IL1RAPL2: variants seen among roughly 807,000 people sequenced by gnomAD.
IL1RAPL2 encodes interleukin 1 receptor accessory protein like 2.
A neutral mutation model predicts 44.1 loss-of-function variants in IL1RAPL2; 3 were observed. That is an observed-to-expected ratio of 0.07 (90% CI 0.03 to 0.18). The LOEUF (loss-of-function observed/expected upper bound fraction) is 0.18, where lower values mean the gene tolerates loss of function less well. IL1RAPL2 is among the 10% of genes least tolerant of loss of function. The probability of loss-of-function intolerance (pLI) is 1.00; values close to 1 mark genes in which losing one functional copy is unlikely to be tolerated. For missense variants in IL1RAPL2, 391 were observed against 496.4 expected, an observed-to-expected ratio of 0.79 and a Z score of 2.02; for synonymous variants, 181 against 178.8, an observed-to-expected ratio of 1.01 and a Z score of -0.10.
chrX:105,385,840 CTT>C (rs907567260), intron 5 of IL1RAPL2, among the ~76,000 whole-genome samples: 1 of 111,350 alleles, frequency 9.0e-6, no homozygotes, highest in African/African-American at 3.3e-5. Flanking sequence ...CCTTCAGACT[CTT>C]TGTCCAGAGT....
chrX:105,628,042 G>A (rs1702802952), intron 6 of IL1RAPL2, among the ~76,000 whole-genome samples: 1 of 111,697 alleles, frequency 9.0e-6, no homozygotes, highest in African/African-American at 3.2e-5. Flanking sequence ...GGTGGGATGA[G>A]GTGGGGATGG....
In IL1RAPL2 at chrX:105,194,525, A is replaced by G. The variant is rs1313098689; in HGVS notation, c.83-950A>G. Among the ~76,000 whole-genome samples, 4 of 111,982 alleles carry G rather than the reference A, an allele frequency of 3.6e-5. No individual in the cohort carries two copies. In the East Asian group the frequency reaches 1.1e-3, roughly 31 times the overall value. ...ATTTCATTTTTAACCGTTCTGGAAA[A>G]TAAGGAATTTACTGTACATGTCTTT... On this transcript the variant is annotated intron_variant, in intron 2 of 10. Transcript: ENST00000372582.
intron 2 of IL1RAPL2, among the ~76,000 whole-genome samples, chrX:104,814,862 C>T (rs912738800): frequency 4.5e-5 from 5 of 111,952 alleles, no homozygotes; most frequent in African/African-American, 1.3e-4. Flanking sequence ...CCCTCTGAAG[C>T]AGCCCAGGAG....
intron 2 of IL1RAPL2, among the ~76,000 whole-genome samples, chrX:104,896,470 G>T (rs1165371068): frequency 9.0e-6 from 1 of 111,618 alleles, no homozygotes; most frequent in Admixed American, 9.5e-5. Flanking sequence ...ACAGCAGTTG[G>T]GGTGTCCTGT....
intron 6 of IL1RAPL2, among the ~76,000 whole-genome samples, chrX:105,507,000 A>G (rs754585332): frequency 3.0e-4 from 33 of 111,625 alleles, no homozygotes; most frequent in Non-Finnish European, 5.8e-4. Flanking sequence ...TTCTTTCAAC[A>G]TTTTCAAGCT....
At chrX:104,806,160 G>A (rs763816851) in intron 2 of IL1RAPL2, among the ~76,000 whole-genome samples, 1 of 111,581 alleles carries the variant, frequency 9.0e-6, no homozygotes, top group African/African-American at 3.3e-5. Flanking sequence ...AGTACACCTG[G>A]GCCTTGTAAA....
intron 9 of IL1RAPL2, chrX:105,753,061 G>A: frequency 3.1e-6 from 1 of 327,651 alleles, no homozygotes; most frequent in Non-Finnish European, 5.9e-6. Context: ...CTTAGAAAAT[G>A]TAAGTATAGA....
intron 2 of IL1RAPL2, among the ~76,000 whole-genome samples, chrX:105,118,240 A>C (rs1476055283): frequency 8.9e-6 from 1 of 112,712 alleles, no homozygotes; most frequent in Non-Finnish European, 1.9e-5. Flanking sequence ...TTGATGATCC[A>C]GAAACAAAAA....
chrX:105,266,920 AAT>A (rs1165146332), intron 4 of IL1RAPL2, among the ~76,000 whole-genome samples: 1 of 111,771 alleles, frequency 8.9e-6, no homozygotes, highest in Non-Finnish European at 1.9e-5. Flanking sequence ...CTTCATTGCC[AAT>A]ATAAAATCCT....
chrX:104,991,889 T>G (rs2030668096), intron 2 of IL1RAPL2, among the ~76,000 whole-genome samples: 1 of 111,741 alleles, frequency 8.9e-6, no homozygotes, highest in Admixed American at 9.6e-5. Flanking sequence ...TGTGGGTTAT[T>G]GGTCATATGT....
At chrX:105,271,600 G>A (rs182081720) in intron 5 of IL1RAPL2, among the ~76,000 whole-genome samples, 63 of 110,976 alleles carry the variant, frequency 5.7e-4, no homozygotes, top group African/African-American at 2.0e-3. Flanking sequence ...GGGATAAGAA[G>A]AGAAAGTCTG....
intron 2 of IL1RAPL2, among the ~76,000 whole-genome samples, chrX:105,162,686 A>G (rs1264647176): frequency 8.9e-6 from 1 of 112,302 alleles, no homozygotes; most frequent in African/African-American, 3.2e-5. Context: ...AACACCATGT[A>G]TGGAGGGTGT....
intron 6 of IL1RAPL2, among the ~76,000 whole-genome samples, chrX:105,544,032 G>C (rs192486498): frequency 3.0e-4 from 34 of 111,599 alleles, no homozygotes; most frequent in African/African-American, 1.1e-3. Context: ...AAAATGTTGA[G>C]TCTTCTAATT....
chrX:104,897,193 G>T (rs1191394845), intron 2 of IL1RAPL2, among the ~76,000 whole-genome samples: 1 of 112,031 alleles, frequency 8.9e-6, no homozygotes, highest in Non-Finnish European at 1.9e-5. Flanking sequence ...TTATCAGATG[G>T]CTGTGGCTAG....
At chrX:104,928,327 C>T (rs184539996) in intron 2 of IL1RAPL2, among the ~76,000 whole-genome samples, 206 of 111,437 alleles carry the variant, frequency 1.8e-3, no homozygotes, top group Non-Finnish European at 3.2e-3. Context: ...CAGCTTATTC[C>T]GGTTCCTTGA....
At chrX:104,909,700 C>G (rs1236789871) in intron 2 of IL1RAPL2, among the ~76,000 whole-genome samples, 4 of 112,161 alleles carry the variant, frequency 3.6e-5, no homozygotes, top group South Asian at 3.7e-4. Context: ...CAGTCTGCCC[C>G]TTCTCAGATC....
intron 5 of IL1RAPL2, among the ~76,000 whole-genome samples, chrX:105,306,859 A>AT (rs1001365237): frequency 9.0e-6 from 1 of 110,889 alleles, no homozygotes; most frequent in Non-Finnish European, 1.9e-5. Context: ...CTATTAGTTC[A>AT]TTTTCACGCT....
intron 6 of IL1RAPL2, among the ~76,000 whole-genome samples, chrX:105,519,946 AGTTCTTTGG>A (rs2036543793): frequency 8.9e-6 from 1 of 111,877 alleles, no homozygotes; most frequent in Non-Finnish European, 1.9e-5. Flanking sequence ...TATAAGAGGT[AGTTCTTTGG>A]AACCTATTCA....
chrX:105,709,984 G>A (rs1399099344), intron 6 of IL1RAPL2, among the ~76,000 whole-genome samples: 1 of 111,092 alleles, frequency 9.0e-6, no homozygotes, highest in South Asian at 3.8e-4. Flanking sequence ...TGAGCCAATT[G>A]TGTACCAAAA....
Sources: allele counts gnomAD v4.1 joint callset (sites outside exome capture counted in the v4.1 genomes callset), GRCh38; gene constraint gnomAD v4.1.1; transcripts MANE v1.5; gene names NCBI Gene and HGNC (gene_info 2026-07-23, HGNC 2026-07-21).